CAMKK2: variants seen among roughly 807,000 people sequenced by gnomAD.
CAMKK2 encodes calcium/calmodulin dependent protein kinase kinase 2.
Under a neutral mutation model 67.2 loss-of-function variants are expected in CAMKK2, and 30 were observed. The observed-to-expected ratio is 0.45, with a 90% confidence interval of 0.33 to 0.61. The LOEUF (loss-of-function observed/expected upper bound fraction) is 0.61, where lower values mean the gene tolerates loss of function less well. Ranked by LOEUF, CAMKK2 falls within the 20% of genes least tolerant of loss-of-function variation. The probability of loss-of-function intolerance (pLI) is 0.02; values close to 1 mark genes in which losing one functional copy is unlikely to be tolerated. For missense variants in CAMKK2, 643 were observed against 802.0 expected (o/e 0.80, Z 2.39); for synonymous variants, 322 against 326.2 (o/e 0.99, Z 0.14).
At chr12:121,294,209 A>C (rs1353071772) in intron 1 of CAMKK2, among the ~76,000 whole-genome samples, 1 of 151,892 alleles carries the variant, frequency 6.6e-6, no homozygotes, top group Non-Finnish European at 1.5e-5. Flanking sequence ...CTGGGATTAC[A>C]AGCGTGAGCC....
At chr12:121,272,916 T>C (rs941450975) in intron 2 of CAMKK2, among the ~76,000 whole-genome samples, 1 of 151,954 alleles carries the variant, frequency 6.6e-6, no homozygotes, top group Non-Finnish European at 1.5e-5. Flanking sequence ...GGCATCCTGA[T>C]GTTGGGTCTT....
chr12:121,261,408 G>T (rs1028859201), intron 6 of CAMKK2, among the ~76,000 whole-genome samples: 2 of 152,166 alleles, frequency 1.3e-5, no homozygotes, highest in Admixed American at 1.3e-4. Context: ...GTGACCGGTG[G>T]TGATGGCCTG....
At chr12:121,262,505 C>T (rs1893655997) in intron 6 of CAMKK2, among the ~76,000 whole-genome samples, 1 of 151,002 alleles carries the variant, frequency 6.6e-6, no homozygotes, top group African/African-American at 2.4e-5. Context: ...GAGTGAGACT[C>T]CGTCTCAAAA....
chr12:121,263,782 T>C (rs779552286), intron 6 of CAMKK2, 24 bp downstream of exon 6: 2 of 1,586,940 alleles, frequency 1.3e-6, no homozygotes, highest in South Asian at 2.2e-5. Flanking sequence ...CCTCCCTCCC[T>C]CCTGGGCGCC....
chr12:121,243,408 C>T (rs925418094), intron 16 of CAMKK2, among the ~76,000 whole-genome samples: 15 of 151,752 alleles, frequency 9.9e-5, no homozygotes, highest in African/African-American at 3.4e-4. Context: ...AGTCTTCATT[C>T]GATAGCCAAA....
chr12:121,295,136 C>T (rs2136691263), intron 1 of CAMKK2, among the ~76,000 whole-genome samples: 1 of 152,348 alleles, frequency 6.6e-6, no homozygotes, highest in South Asian at 2.1e-4. Context: ...TGCCACTGCA[C>T]TCCACCCTGG....
chr12:121,261,001 T>C (rs1043737455), intron 6 of CAMKK2, among the ~76,000 whole-genome samples: 1 of 150,534 alleles, frequency 6.6e-6, no homozygotes, highest in Non-Finnish European at 1.5e-5. Flanking sequence ...GACAACGGTG[T>C]TCAGGGTGAA....
chr12:121,293,100 A>G (rs962831642), intron 1 of CAMKK2, among the ~76,000 whole-genome samples: 3 of 152,114 alleles, frequency 2.0e-5, no homozygotes, highest in Non-Finnish European at 4.4e-5. Flanking sequence ...ACATGGTGAA[A>G]CCCCGTTTCT....
chr12:121,254,403 A>AC (rs1305465225), intron 9 of CAMKK2, among the ~76,000 whole-genome samples: 1 of 152,110 alleles, frequency 6.6e-6, no homozygotes, highest in African/African-American at 2.4e-5. Context: ...GGTTGCAGTG[A>AC]CCTGAGATCG....
Position 121,240,973 on chromosome 12 carries a change from C to G in CAMKK2, c.1597-104G>C. 8.9e-7 allele frequency: 1 copy of G among 1,127,408 alleles called. No homozygotes were observed. Among genetic ancestry groups the G allele is most frequent in the Non-Finnish European group, 1.3e-6 (1 of 775,764 alleles). The allele number at this position is 1,127,408 out of a possible 1,614,324, so 69.8% of individuals were successfully genotyped here. ...GGCCCCCTGCCCAAGTGGGCCGTCG[C>G]GCACCCCCTGGAACGTGATCTACGT... On this transcript the variant is annotated intron_variant, in intron 16 of 16. Transcript: ENST00000404169. This position sits in a 1 kb window ranked among gnomAD's most constrained non-coding sequence, Gnocchi z 4.4.
chr12:121,294,362 A>G (rs1038101450), intron 1 of CAMKK2, among the ~76,000 whole-genome samples: 1 of 152,094 alleles, frequency 6.6e-6, no homozygotes, highest in Non-Finnish European at 1.5e-5. Flanking sequence ...TCGCCCCCAC[A>G]CTTTCCCAAA....
At chr12:121,262,494 AGAGT>A (rs553012349) in intron 6 of CAMKK2, among the ~76,000 whole-genome samples, 6 of 151,880 alleles carry the variant, frequency 4.0e-5, no homozygotes, top group Non-Finnish European at 7.4e-5. Context: ...CCTGGGCAAC[AGAGT>A]GAGACTCCGT....
intron 7 of CAMKK2, among the ~76,000 whole-genome samples, chr12:121,259,892 G>A (rs1015564392): frequency 1.3e-5 from 2 of 152,118 alleles, no homozygotes; most frequent in African/African-American, 4.8e-5. Context: ...AGGCCAGGCT[G>A]GACAACATAG....
rs1238076921 is a variant in CAMKK2, at chr12:121,240,515, A to G, written c.*184T>C. On this transcript the variant is annotated 3_prime_UTR_variant, in exon 17 of 17. Transcript: ENST00000404169. The surrounding 1 kb of genome is among the most constrained non-coding windows in gnomAD (Gnocchi z 4.4). The stretch of plus-strand genomic sequence containing the variant: ...CCAGCGGCCACGGTCGACGTCATGG[A>G]GTCAAGTCCTTTTTTTTTTTTTGTC... 6.5e-7 allele frequency: 1 copy of G among 1,527,358 alleles called. No homozygotes were observed. The highest frequency in any genetic ancestry group is 8.7e-7 in the Non-Finnish European group (1 of 1,144,160). 94.6% of individuals were successfully genotyped at this position (1,527,358 alleles called of 1,614,324 possible).
chr12:121,297,609 C>G (rs752942018), upstream of CAMKK2: 10 of 516,568 alleles, frequency 1.9e-5, no homozygotes, highest in African/African-American at 3.9e-5. Context: ...AGAGGAGAAA[C>G]GAAGACCTGG....
chr12:121,269,703 T>C, intron 3 of CAMKK2, 122 bp from the exon 4 acceptor site: 1 of 737,940 alleles, frequency 1.4e-6, no homozygotes, highest in Non-Finnish European at 2.3e-6. Context: ...AACTGTATTT[T>C]GTTGGAGCCC....
chr12:121,258,404 C>G (rs1892777091), intron 7 of CAMKK2, among the ~76,000 whole-genome samples: 1 of 152,042 alleles, frequency 6.6e-6, no homozygotes, highest in African/African-American at 2.4e-5. Context: ...ACAATCATAG[C>G]TCACTGCAGC....
At chr12:121,297,761 G>A, upstream of CAMKK2, 1 of 497,042 alleles carries the variant, frequency 2.0e-6, no homozygotes. Flanking sequence ...AGTTAACTGG[G>A]TGGATTTCCA....
chr12:121,274,835 C>T (rs1566111345), intron 1 of CAMKK2, among the ~76,000 whole-genome samples: 2 of 145,154 alleles, frequency 1.4e-5, no homozygotes, highest in African/African-American at 5.2e-5. Context: ...AAGGTCTCTC[C>T]CTCTCTCTGT....
Sources: gnomAD v4.1 joint callset for allele counts (sites outside exome capture counted in the v4.1 genomes callset) on GRCh38, gnomAD v4.1.1 for gene constraint, Gnocchi (gnomAD v3.1) non-coding constraint, MANE v1.5 for transcripts, NCBI Gene and HGNC (gene_info 2026-07-23, HGNC 2026-07-21) for gene names.